Variants in ZMAT3 observed in about 807,000 individuals in gnomAD.
ZMAT3 encodes zinc finger matrin-type protein 3.
Under a neutral mutation model 32.3 loss-of-function variants are expected in ZMAT3, and 17 were observed. The observed-to-expected ratio is 0.53, with a 90% CI of 0.36 to 0.79. The LOEUF is 0.79. Ranked by LOEUF, ZMAT3 falls within the 30% of genes least tolerant of loss-of-function variation. The probability of loss-of-function intolerance (pLI) is 0.00; values close to 1 mark genes in which losing one functional copy is unlikely to be tolerated. For synonymous variants in ZMAT3, 120 were observed against 133.1 expected (o/e 0.90, Z 0.68); for missense variants, 329 against 359.7 (o/e 0.91, Z 0.69).
rs141516841 is a variant in ZMAT3 at position 179,036,581 on chromosome 3, C to T, written c.271-5582G>A. On this transcript the variant is annotated intron_variant, in intron 2 of 5. Coordinates refer to ENST00000311417, the MANE Select transcript of ZMAT3 (RefSeq NM_022470.4). Reference sequence around the variant, plus strand: ...ATAAGAGGGTAGAAGGGAGGTGAACCGCAGGGTAGATGGAAATATTTATGA... The same window carrying T: ...ATAAGAGGGTAGAAGGGAGGTGAACTGCAGGGTAGATGGAAATATTTATGA... 3.9e-4 allele frequency among the ~76,000 whole-genome samples: 59 copies of T among 151,968 alleles called. No individual in the cohort carries two copies. The East Asian group carries it at 5.2e-3, about 13-fold the overall frequency.
In ZMAT3 at chr3:179,046,895, C is replaced by T. The variant is rs1720268477; in HGVS notation, c.271-15896G>A. 6.6e-6 allele frequency among the ~76,000 whole-genome samples: 1 copy of T among 152,186 alleles called. No homozygotes were observed. The highest frequency in any genetic ancestry group is 2.4e-5 in the African/African-American group (1 of 41,444). ...ACCTCAGACATGCCTAACCCTGCCC[C>T]AACCCGATGGTCTTCTCTACCCACA... On this transcript the variant is annotated intron_variant, in intron 2 of 5. Transcript: ENST00000311417. The surrounding 1 kb of genome is among the most constrained non-coding windows in gnomAD (Gnocchi z 4.3).
intron 2 of ZMAT3, among the ~76,000 whole-genome samples, chr3:179,035,180 C>T (rs966929744): frequency 3.3e-5 from 5 of 152,046 alleles, no homozygotes; most frequent in Admixed American, 6.6e-5. Flanking sequence ...TGACAAATCT[C>T]ACCTATAAGG....
rs1207647982 is a variant in ZMAT3, at chr3:179,027,775, G to A, written c.428C>T (p.Ala143Val). The change falls in exon 4 of 6, where the codon GCC (alanine) becomes GTC (valine). Residue 143 changes from alanine to valine, a missense_variant. Transcript: ENST00000311417. ...GAGCTTACAGTAATCATTCTCCGTG[G>A]CCAGGATCACTCGGCCTCCTGGCTT... is the stretch of plus-strand genomic sequence containing the variant. ...SFKPGGRVILATENDYCKLCD... is the reference protein window; with the variant it reads ...SFKPGGRVILVTENDYCKLCD... The A allele has an allele frequency of 6.2e-7, 1 of 1,613,698 alleles. No individual in the cohort carries two copies. The highest frequency in any genetic ancestry group is 8.5e-7 in the Non-Finnish European group (1 of 1,179,938).
chr3:179,030,354 C>CTTTTT (rs1230618538), intron 3 of ZMAT3, among the ~76,000 whole-genome samples: 3 of 132,060 alleles, frequency 2.3e-5, no homozygotes, highest in Non-Finnish European at 4.9e-5. Context: ...CCCAGAATTT[C>CTTTTT]TTTTTTTTTT....
At chr3:179,044,962 T>G (rs1185055320) in intron 2 of ZMAT3, among the ~76,000 whole-genome samples, 1 of 151,970 alleles carries the variant, frequency 6.6e-6, no homozygotes, top group African/African-American at 2.4e-5. Context: ...CAAACCAACA[T>G]GGTACATGTA....
chr3:179,054,550 A>T (rs1270362357), intron 2 of ZMAT3, among the ~76,000 whole-genome samples: 1 of 152,190 alleles, frequency 6.6e-6, no homozygotes, highest in Non-Finnish European at 1.5e-5. Context: ...TAATGTTTGA[A>T]ATGTAACATT....
At chr3:179,050,363 C>T (rs568924039) in intron 2 of ZMAT3, among the ~76,000 whole-genome samples, 1 of 151,832 alleles carries the variant, frequency 6.6e-6, no homozygotes, top group Non-Finnish European at 1.5e-5. Flanking sequence ...TGTGCATAAA[C>T]TAGAAAACCT....
chr3:179,047,764 C>T (rs1015893648), intron 2 of ZMAT3, among the ~76,000 whole-genome samples: 1 of 151,466 alleles, frequency 6.6e-6, no homozygotes, highest in African/African-American at 2.4e-5. Context: ...GAGGCTGAAG[C>T]AGGAGAATCA....
chr3:179,040,293 G>A lies in ZMAT3; in HGVS notation c.271-9294C>T, dbSNP rs150940143. 1.8e-4 allele frequency among the ~76,000 whole-genome samples: 28 copies of A among 152,236 alleles called. No homozygotes were observed. The East Asian group carries it at 2.9e-3, about 16-fold the overall frequency. On this transcript the variant is annotated intron_variant, in intron 2 of 5. Transcript: ENST00000311417. ...GACATGTAATTGTCACATTCACCAC[G>A]GTTGAAATGAAGGAAAAAATGTTAA...
intron 2 of ZMAT3, among the ~76,000 whole-genome samples, chr3:179,050,566 T>C (rs553719955): frequency 6.6e-6 from 1 of 152,230 alleles, no homozygotes; most frequent in Non-Finnish European, 1.5e-5. Flanking sequence ...CCAATCCTAC[T>C]GACACTACTC....
At chr3:179,042,361 A>G (rs1352945021) in intron 2 of ZMAT3, among the ~76,000 whole-genome samples, 1 of 152,244 alleles carries the variant, frequency 6.6e-6, no homozygotes, top group Non-Finnish European at 1.5e-5. Context: ...CAGCGTATCA[A>G]AAAGCTTATC....
At chr3:179,041,582 A>C (rs906526321) in intron 2 of ZMAT3, among the ~76,000 whole-genome samples, 6 of 152,270 alleles carry the variant, frequency 3.9e-5, no homozygotes, top group Admixed American at 1.3e-4. Context: ...CATTTAAAGC[A>C]GTGTGGTAGA....
chr3:179,048,689 A>C (rs948062205), intron 2 of ZMAT3, among the ~76,000 whole-genome samples: 1 of 152,136 alleles, frequency 6.6e-6, no homozygotes, highest in African/African-American at 2.4e-5. Flanking sequence ...AAATCCTCCA[A>C]ATACACAAAA....
intron 1 of ZMAT3, 82 bp from the exon 2 acceptor site, chr3:179,067,891 A>C: frequency 7.7e-7 from 1 of 1,295,074 alleles, no homozygotes. Context: ...TGACAACATA[A>C]TCTGACCCTT....
intron 2 of ZMAT3, among the ~76,000 whole-genome samples, chr3:179,047,071 AAAATAC>A (rs1720280677): frequency 6.6e-6 from 1 of 152,122 alleles, no homozygotes; most frequent in South Asian, 2.1e-4. Context: ...ACACTTAACA[AAAATAC>A]AACCAAGGAC....
intron 5 of ZMAT3, among the ~76,000 whole-genome samples, chr3:179,027,044 T>C (rs978319999): frequency 2.0e-5 from 3 of 152,196 alleles, no homozygotes; most frequent in African/African-American, 4.8e-5. Flanking sequence ...GGTAATTCTG[T>C]TTCACTAGCC....
chr3:179,054,346 G>A (rs1318750152), intron 2 of ZMAT3, among the ~76,000 whole-genome samples: 4 of 152,194 alleles, frequency 2.6e-5, no homozygotes, highest in South Asian at 2.1e-4. Context: ...AAATGTTTTC[G>A]ATATCATACA....
rs370358408 is a variant in ZMAT3, at chr3:179,027,779, G to A, written c.424C>T (p.Leu142=). ...TTACAGTAATCATTCTCCGTGGCCA[G>A]GATCACTCGGCCTCCTGGCTTAAAG... The part of the protein sequence containing the change: ...GSFKPGGRVI[L]ATENDYCKLC... Residue 142 remains leucine (L), a synonymous_variant, in exon 4 of 6, where the codon CTG becomes TTG. Coordinates refer to ENST00000311417, the MANE Select transcript of ZMAT3 (RefSeq NM_022470.4). 5.0e-5 allele frequency: 81 copies of A among 1,613,354 alleles called. No individual in the cohort carries two copies. Among genetic ancestry groups the A allele is most frequent in the Non-Finnish European group, 6.4e-5 (76 of 1,179,928 alleles).
rs543136217 is a variant in ZMAT3, at chr3:179,053,787, C to A, written c.270+13696G>T. Among the ~76,000 whole-genome samples the A allele has an allele frequency of 2.2e-4, 33 of 152,218 alleles. No homozygotes were observed. In the South Asian group the frequency reaches 2.3e-3, roughly 11 times the overall value. ...CCCAAATTTGGGACATTCTACAAAA[C>A]AACCCTTCAAAAATGGCAAGATGAT... On this transcript the variant is annotated intron_variant, in intron 2 of 5. Coordinates refer to ENST00000311417, the MANE Select transcript of ZMAT3 (RefSeq NM_022470.4).
Sources: allele counts gnomAD v4.1 joint callset (sites outside exome capture counted in the v4.1 genomes callset), GRCh38; gene constraint gnomAD v4.1.1; non-coding constraint Gnocchi (gnomAD v3.1); transcripts MANE v1.5; gene names NCBI Gene and HGNC (gene_info 2026-07-23, HGNC 2026-07-21).